MPP7: variants seen among roughly 807,000 people sequenced by gnomAD.
MPP7 encodes MAGUK p55 subfamily member 7.
In MPP7, 60 loss-of-function variants were observed where a neutral mutation model predicts 76.5. That is an observed-to-expected ratio of 0.78 (90% CI 0.64 to 0.97). The LOEUF is 0.97. Among genes scored for constraint, MPP7 ranks in the 50% least tolerant of loss-of-function variants. MPP7 has a pLI of 0.00. For synonymous variants in MPP7, 237 were observed against 244.5 expected, an observed-to-expected ratio of 0.97 and a Z score of 0.29; for missense variants, 641 against 694.0, an observed-to-expected ratio of 0.92 and a Z score of 0.86.
intron 2 of MPP7, among the ~76,000 whole-genome samples, chr10:28,217,881 C>T (rs1476519409): frequency 2.6e-5 from 4 of 152,148 alleles, no homozygotes; most frequent in Non-Finnish European, 5.9e-5. Context: ...TGGACTACAT[C>T]AAAAGCAATC....
chr10:28,290,527 C>A (rs1474563193), intron 1 of MPP7, among the ~76,000 whole-genome samples: 1 of 152,162 alleles, frequency 6.6e-6, no homozygotes, highest in Non-Finnish European at 1.5e-5. Flanking sequence ...GGCTGGAGTG[C>A]AATGGCACAA....
intron 13 of MPP7, 77 bp downstream of exon 13, chr10:28,069,695 T>A (rs1034838157): frequency 2.6e-5 from 32 of 1,227,828 alleles, no homozygotes; most frequent in South Asian, 8.8e-5. Context: ...AAGTTAAAAA[T>A]TTTTTAAAAT....
intron 3 of MPP7, among the ~76,000 whole-genome samples, chr10:28,196,767 A>C (rs555326835): frequency 3.3e-4 from 50 of 152,292 alleles, no homozygotes; most frequent in African/African-American, 1.1e-3. Flanking sequence ...ACTGAACATC[A>C]GCCTCCCTCT....
chr10:28,176,587 A>C (rs1836868045), intron 3 of MPP7, among the ~76,000 whole-genome samples: 1 of 152,020 alleles, frequency 6.6e-6, no homozygotes, highest in Non-Finnish European at 1.5e-5. Flanking sequence ...AAAATAAAAA[A>C]TTAGCCAGGT....
chr10:28,228,201 C>T (rs1394335598), intron 2 of MPP7, among the ~76,000 whole-genome samples: 1 of 152,116 alleles, frequency 6.6e-6, no homozygotes, highest in Non-Finnish European at 1.5e-5. Flanking sequence ...AAAATGTTAA[C>T]ATGAGATTTT....
intron 2 of MPP7, among the ~76,000 whole-genome samples, chr10:28,214,806 G>A (rs1189713521): frequency 6.6e-6 from 1 of 152,076 alleles, no homozygotes; most frequent in Non-Finnish European, 1.5e-5. Context: ...TTCTTGCCTG[G>A]GGACCAGTCC....
At chr10:28,247,781 C>T (rs1353702320) in intron 1 of MPP7, among the ~76,000 whole-genome samples, 1 of 152,114 alleles carries the variant, frequency 6.6e-6, no homozygotes, top group Non-Finnish European at 1.5e-5. Flanking sequence ...TGTATTAGCC[C>T]TTTATGTATT....
chr10:28,286,582 C>G (rs932078575), intron 1 of MPP7, among the ~76,000 whole-genome samples: 3 of 152,130 alleles, frequency 2.0e-5, no homozygotes, highest in African/African-American at 7.2e-5. Context: ...CAGCTGTTCT[C>G]AAAGTGCTCC....
chr10:28,330,144 A>G (rs1343264561), intron 1 of MPP7: 2 of 152,230 alleles, frequency 1.3e-5, no homozygotes, highest in Non-Finnish European at 2.9e-5. Context: ...CATGTTGGTA[A>G]TAGTGGAGTA....
At chr10:28,120,103 G>C (rs1834784611) in intron 10 of MPP7, 91 bp downstream of exon 10, 1 of 1,341,114 alleles carries the variant, frequency 7.5e-7, no homozygotes, top group South Asian at 1.5e-5. Flanking sequence ...AGGTTTTATA[G>C]CATATTTTAT....
At chr10:28,269,129 T>G (rs12359569) in intron 1 of MPP7, among the ~76,000 whole-genome samples, 21,953 of 152,232 alleles carry the variant, frequency 0.14, 1,672 homozygotes, top group South Asian at 0.19. Context: ...CAGTGTGATA[T>G]AAATACTTTA....
intron 2 of MPP7, among the ~76,000 whole-genome samples, chr10:28,324,061 G>C (rs7094079): frequency 0.3 from 45,969 of 151,936 alleles, 7,172 homozygotes; most frequent in East Asian, 0.43. Flanking sequence ...AATAACAATA[G>C]CTGTGACGGT....
At chr10:28,300,618 G>A (rs1031695274) in intron 1 of MPP7, among the ~76,000 whole-genome samples, 2 of 152,090 alleles carry the variant, frequency 1.3e-5, no homozygotes, top group Non-Finnish European at 2.9e-5. Flanking sequence ...GTGAAACAGA[G>A]GTATTAGCCA....
At chr10:28,236,907 C>G (rs1839096432) in intron 2 of MPP7, 2 of 152,168 alleles carry the variant, frequency 1.3e-5, no homozygotes, top group Admixed American at 1.3e-4. Context: ...TCTGTAAATG[C>G]AGAGACTCTT....
intron 11 of MPP7, among the ~76,000 whole-genome samples, chr10:28,110,856 C>T (rs1260003349): frequency 2.6e-5 from 4 of 152,114 alleles, no homozygotes; most frequent in Admixed American, 1.3e-4. Context: ...ACATTTAAGA[C>T]TACTGACAGA....
At chr10:28,241,474 C>T (rs1414747561) in intron 1 of MPP7, among the ~76,000 whole-genome samples, 3 of 152,094 alleles carry the variant, frequency 2.0e-5, no homozygotes, top group African/African-American at 7.2e-5. Context: ...TGGAATGAAG[C>T]AAAGTTGCTA....
intron 3 of MPP7, among the ~76,000 whole-genome samples, chr10:28,194,566 C>T (rs904101399): frequency 3.3e-5 from 5 of 152,116 alleles, no homozygotes; most frequent in Non-Finnish European, 7.3e-5. Flanking sequence ...GGCTATGTTG[C>T]CATGAGAAGA....
At chr10:28,296,709 T>C (rs769936543) in intron 1 of MPP7, among the ~76,000 whole-genome samples, 1 of 152,218 alleles carries the variant, frequency 6.6e-6, no homozygotes, top group African/African-American at 2.4e-5. Flanking sequence ...AGCAAGCTGA[T>C]AATGTTCTAG....
At position 28,056,570 on chromosome 10, in the gene MPP7, C is replaced by A; in HGVS notation, c.1461G>T (p.Lys487Asn). The change falls in exon 16 of 17, where the codon AAG becomes AAT. Residue 487 changes from lysine (K) to asparagine (N), a missense_variant. Physicochemically the swap from Lys to Asn is moderately conservative, Grantham distance 94. Coordinates refer to ENST00000683449, the MANE Select transcript of MPP7 (RefSeq NM_001318170.2). ...CTCTCAAACGCTCTATTGATGGAGG[C>A]TTTATAAATATCACATAGGGCTTAA... is the stretch of plus-strand genomic sequence containing the variant. ...LEFKPYVIFI[K>N]PPSIERLRET... 1 of 1,610,392 alleles carries A rather than the reference C, an allele frequency of 6.2e-7. No individual in the cohort carries two copies. The highest frequency in any genetic ancestry group is 8.5e-7 in the Non-Finnish European group (1 of 1,179,110).
Sources: allele counts gnomAD v4.1 joint callset (sites outside exome capture counted in the v4.1 genomes callset), GRCh38; gene constraint gnomAD v4.1.1; transcripts MANE v1.5; gene names NCBI Gene and HGNC (gene_info 2026-07-23, HGNC 2026-07-21).